Variants in SUPT20H observed in about 807,000 individuals in gnomAD.
SUPT20H encodes transcription factor SPT20 homolog.
SUPT20H carries 82 observed loss-of-function variants against 122.8 expected under a neutral mutation model. The ratio of observed to expected loss-of-function variants is 0.67; its 90% confidence interval spans 0.56 to 0.80. SUPT20H has a LOEUF of 0.80. Among genes scored for constraint, SUPT20H ranks in the 30% least tolerant of loss-of-function variants. SUPT20H has a pLI of 0.00. For synonymous variants in SUPT20H, 291 were observed against 313.0 expected (o/e 0.93, Z 0.74); for missense variants, 831 against 921.6 (o/e 0.90, Z 1.27).
At chr13:37,025,008 C>T (rs2061998277) in intron 17 of SUPT20H, 1 of 310,222 alleles carries the variant, frequency 3.2e-6, no homozygotes, top group Non-Finnish European at 6.2e-6. Context: ...GTGGCGCTAT[C>T]TCGGCTCACT....
In SUPT20H at chr13:37,026,226, C is replaced by A; in HGVS notation, c.1189G>T (p.Gly397Ter). The A allele has an allele frequency of 6.6e-7, 1 of 1,516,502 alleles. No homozygotes were observed. Among genetic ancestry groups the A allele is most frequent in the South Asian group, 1.3e-5 (1 of 76,342 alleles). The allele number at this position is 1,516,502 out of a possible 1,614,324, so 93.9% of individuals were successfully genotyped here. ...TDDHSNWFII[G>*]SKTDAERVVN... is the part of the protein sequence containing the mutation. ...TACCTCTCAGCATCGGTCTTTGATC[C>A]AATAATGAACCTAAAATGTTTAAGG... Residue 397 changes from glycine to a stop codon, truncating the protein, a stop_gained, in exon 16 of 26, where the codon GGA becomes TGA. Coordinates refer to ENST00000350612, the MANE Select transcript of SUPT20H (RefSeq NM_001014286.3). LOFTEE classifies it high-confidence loss of function.
In SUPT20H at chr13:37,022,000, T is replaced by C. The variant is rs755679690; in HGVS notation, c.1661+11A>G. 3.9e-6 allele frequency: 6 copies of C among 1,553,940 alleles called. No individual in the cohort carries two copies. Among genetic ancestry groups the C allele is most frequent in the East Asian group, 2.3e-5 (1 of 43,994 alleles). On this transcript the variant is annotated intron_variant, in intron 20 of 25. Transcript: ENST00000350612. ...TATAAAAAAAAAATCCGAACATCAATGCAAACTTACCAAACAGAGCCCACT... is the reference window on the plus strand; with the variant it reads ...TATAAAAAAAAAATCCGAACATCAACGCAAACTTACCAAACAGAGCCCACT...
Position 37,009,489 on chromosome 13 carries a change from C to A in SUPT20H, c.*183G>T. ...AAAGCAATGACTTAGGCAAACCAAC[C>A]CTAGTTTGTTAAACCATTTCCCTGT... On this transcript the variant is annotated 3_prime_UTR_variant, in exon 26 of 26. Coordinates refer to ENST00000350612, the MANE Select transcript of SUPT20H (RefSeq NM_001014286.3). 2 of 855,958 alleles carry A rather than the reference C, an allele frequency of 2.3e-6. No homozygotes were observed. Among genetic ancestry groups the A allele is most frequent in the Non-Finnish European group, 3.6e-6 (2 of 551,494 alleles). The allele number at this position is 855,958 out of a possible 1,614,324, so 53.0% of individuals were successfully genotyped here. A position where few individuals can be genotyped will look rare whatever the true frequency, so the allele number is the denominator to read the frequency against.
intron 21 of SUPT20H, among the ~76,000 whole-genome samples, chr13:37,019,811 C>T (rs1352278860): frequency 1.3e-5 from 2 of 152,044 alleles, no homozygotes; most frequent in Non-Finnish European, 2.9e-5. Context: ...CTCTAAGAAC[C>T]GGTGTGCTTT....
intron 2 of SUPT20H, among the ~76,000 whole-genome samples, chr13:37,050,347 C>CAAAAA (rs61668901): frequency 3.9e-5 from 3 of 76,942 alleles, no homozygotes; most frequent in African/African-American, 5.1e-5. Flanking sequence ...CTGTCACTAC[C>CAAAAA]AAAAAAAAAA....
At position 37,045,318 on chromosome 13, in the gene SUPT20H, G is replaced by C; in HGVS notation, c.221C>G (p.Ser74Ter). The C allele has an allele frequency of 6.2e-7, 1 of 1,613,654 alleles. No homozygotes were observed. The highest frequency in any genetic ancestry group is 1.1e-5 in the South Asian group (1 of 91,054). ...LEKLVMQETL[S>*]CLVVNLYPGN... is the part of the protein sequence containing the mutation. Reference sequence around the variant, plus strand: ...TGGGTATAGATTGACCACTAAACATGACAAAGTCTCTTGCATAACAAGCTT... The same window carrying C: ...TGGGTATAGATTGACCACTAAACATCACAAAGTCTCTTGCATAACAAGCTT... The change falls in exon 6 of 26, where the codon TCA (serine) becomes TGA (stop). Residue 74 changes from serine (S) to a stop codon, truncating the protein, a stop_gained. Coordinates refer to ENST00000350612, the MANE Select transcript of SUPT20H (RefSeq NM_001014286.3). LOFTEE classifies it high-confidence loss of function.
intron 12 of SUPT20H, 56 bp from the exon 13 acceptor site, chr13:37,029,892 G>A: frequency 7.4e-7 from 1 of 1,354,152 alleles, no homozygotes; most frequent in South Asian, 1.3e-5. Flanking sequence ...CAGATAAAAT[G>A]GAATCAGTAT....
At chr13:37,032,300 GA>G (rs2063496272) in intron 10 of SUPT20H, among the ~76,000 whole-genome samples, 1 of 151,994 alleles carries the variant, frequency 6.6e-6, no homozygotes, top group South Asian at 2.1e-4. Flanking sequence ...TGATGAGAAG[GA>G]ATTAGCTATG....
intron 1 of SUPT20H, among the ~76,000 whole-genome samples, chr13:37,054,576 C>T (rs1304602160): frequency 6.6e-6 from 1 of 152,140 alleles, no homozygotes; most frequent in African/African-American, 2.4e-5. Flanking sequence ...ACGCTTCATG[C>T]TAAAAACTCT....
At chr13:37,058,237 C>T (rs533645401) in intron 1 of SUPT20H, among the ~76,000 whole-genome samples, 1 of 152,264 alleles carries the variant, frequency 6.6e-6, no homozygotes, top group East Asian at 1.9e-4. Flanking sequence ...TGCACTCCAG[C>T]CTGGACAACA....
In SUPT20H at chr13:37,022,550, C is replaced by G. The variant is rs998325794; in HGVS notation, c.1592-470G>C. On this transcript the variant is annotated intron_variant, in intron 19 of 25. Transcript: ENST00000350612. This position sits in a 1 kb window ranked among gnomAD's most constrained non-coding sequence, Gnocchi z 4.5. ...CCCATTAAAGATGCTATTGCAGTAACAGTAAAAATATACAGTTATATTCTA... is the reference window on the plus strand; with the variant it reads ...CCCATTAAAGATGCTATTGCAGTAAGAGTAAAAATATACAGTTATATTCTA... The G allele has an allele frequency of 1.5e-5, 18 of 1,207,766 alleles. No homozygotes were observed. In the African/African-American group the frequency reaches 2.5e-4, roughly 17 times the overall value. 74.8% of individuals were successfully genotyped at this position (1,207,766 alleles called of 1,614,324 possible).
At chr13:37,035,095 G>A (rs1265767810) in intron 9 of SUPT20H, among the ~76,000 whole-genome samples, 1 of 152,204 alleles carries the variant, frequency 6.6e-6, no homozygotes, top group East Asian at 1.9e-4. Context: ...TTTCATAGCT[G>A]CCAACACAAT....
At chr13:37,042,640 A>G (rs1285212460) in intron 7 of SUPT20H, among the ~76,000 whole-genome samples, 1 of 149,116 alleles carries the variant, frequency 6.7e-6, no homozygotes, top group African/African-American at 2.5e-5. Flanking sequence ...AGAACAGAAA[A>G]GTGACCAATT....
intron 16 of SUPT20H, 139 bp downstream of exon 16, chr13:37,026,065 C>T (rs1029101811): frequency 1.7e-6 from 1 of 575,026 alleles, no homozygotes; most frequent in Non-Finnish European, 3.0e-6. Context: ...AACAGAGACC[C>T]ATAAATATTA....
intron 23 of SUPT20H, among the ~76,000 whole-genome samples, chr13:37,016,875 A>G (rs1460700405): frequency 6.6e-6 from 1 of 152,176 alleles, no homozygotes; most frequent in Non-Finnish European, 1.5e-5. Flanking sequence ...TTATGATAAT[A>G]GGGATATCTT....
intron 2 of SUPT20H, among the ~76,000 whole-genome samples, chr13:37,050,347 C>CAAAAAAAAAAA (rs61668901): frequency 1.3e-5 from 1 of 76,996 alleles, no homozygotes. Context: ...CTGTCACTAC[C>CAAAAAAAAAAA]AAAAAAAAAA....
At chr13:37,037,160 G>A (rs866656938) in intron 9 of SUPT20H, among the ~76,000 whole-genome samples, 10 of 144,776 alleles carry the variant, frequency 6.9e-5, no homozygotes, top group Non-Finnish European at 1.5e-4. Context: ...TTGTGCCAAT[G>A]CACTGCAACC....
intron 17 of SUPT20H, chr13:37,024,972 T>C (rs1594082414): frequency 4.5e-6 from 1 of 224,476 alleles, no homozygotes; most frequent in South Asian, 5.5e-5. Context: ...GATGGAGTCT[T>C]GCTCTGTTGC....
intron 7 of SUPT20H, among the ~76,000 whole-genome samples, chr13:37,043,615 T>C (rs1235418881): frequency 6.6e-6 from 1 of 152,092 alleles, no homozygotes; most frequent in Non-Finnish European, 1.5e-5. Flanking sequence ...TAAGCCCATT[T>C]CCAGATAGCT....
Sources: gnomAD v4.1 joint callset for allele counts (sites outside exome capture counted in the v4.1 genomes callset) on GRCh38, gnomAD v4.1.1 for gene constraint, Gnocchi (gnomAD v3.1) non-coding constraint, MANE v1.5 for transcripts, NCBI Gene and HGNC (gene_info 2026-07-23, HGNC 2026-07-21) for gene names.